ZNF248: variants seen among roughly 807,000 people sequenced by gnomAD.
ZNF248 encodes zinc finger protein 248.
ZNF248 carries 20 observed loss-of-function variants against 44.3 expected under a neutral mutation model. That is an observed-to-expected ratio of 0.45 (90% CI 0.32 to 0.66). The LOEUF (loss-of-function observed/expected upper bound fraction) is 0.66, where lower values mean the gene tolerates loss of function less well. ZNF248 is among the 30% of genes least tolerant of loss of function. The pLI is 0.04. For synonymous variants in ZNF248, 224 were observed against 229.0 expected, an observed-to-expected ratio of 0.98 and a Z score of 0.20; for missense variants, 654 against 677.0, an observed-to-expected ratio of 0.97 and a Z score of 0.38.
rs2055533249 is a variant in ZNF248, at chr10:37,831,209, A to C, written c.*406T>G. On this transcript the variant is annotated 3_prime_UTR_variant, in exon 6 of 6. Transcript: ENST00000395867. The stretch of plus-strand genomic sequence containing the variant: ...CCAATATACAAATCAAGCATACTCA[A>C]ATTTATATATTTGCATACTCACATA... 6.5e-7 allele frequency: 1 copy of C among 1,543,638 alleles called. No homozygotes were observed. The highest frequency in any genetic ancestry group is 1.4e-5 in the African/African-American group (1 of 72,766).
At chr10:37,840,416 CAT>C (rs1157023814) in intron 3 of ZNF248, among the ~76,000 whole-genome samples, 2 of 152,114 alleles carry the variant, frequency 1.3e-5, no homozygotes, top group Non-Finnish European at 2.9e-5. Context: ...AGCAAATACA[CAT>C]ATGAACAGAT....
intron 6 of ZNF248, among the ~76,000 whole-genome samples, chr10:37,806,211 G>A (rs1183398662): frequency 6.6e-6 from 1 of 152,028 alleles, no homozygotes; most frequent in Non-Finnish European, 1.5e-5. Context: ...CAATTATTTT[G>A]GATATATACT....
At chr10:37,763,835 A>C in the ZNF248 span, among the ~76,000 whole-genome samples, 36 of 152,328 alleles carry the variant, frequency 2.4e-4, no homozygotes, top group African/African-American at 6.7e-4. Context: ...TAAATTGTGA[A>C]GATTTCATGG....
chr10:37,833,248 T>C (rs1399675709), intron 5 of ZNF248, 132 bp from the exon 6 acceptor site: 1 of 1,307,810 alleles, frequency 7.6e-7, no homozygotes, highest in East Asian at 2.6e-5. Flanking sequence ...TGAACTGAGT[T>C]CAAGTGTACA....
At chr10:37,825,777 TAC>T (rs1237574974), downstream of ZNF248, among the ~76,000 whole-genome samples, 1 of 151,838 alleles carries the variant, frequency 6.6e-6, no homozygotes, top group Admixed American at 6.6e-5. Flanking sequence ...ATGAAATCCA[TAC>T]AGACCTCCTG....
Position 37,832,459 on chromosome 10 carries a change from T to C in ZNF248, c.896A>G (p.Tyr299Cys), listed in dbSNP as rs1179842625. The C allele has an allele frequency of 1.2e-6, 2 of 1,613,896 alleles. No individual in the cohort carries two copies. Among genetic ancestry groups the C allele is most frequent in the Non-Finnish European group, 8.5e-7 (1 of 1,179,942 alleles). The change falls in exon 6 of 6, where the codon TAT (tyrosine) becomes TGT (cysteine). Residue 299 changes from tyrosine (Y) to cysteine (C), a missense_variant. Transcript: ENST00000395867. ...RALTKDNPYE[Y>C]NEYGEIFCDN... ...ACAGAAGATTTCCCCATATTCATTA[T>C]ATTCATAAGGATTGTCCTTTGTAAG...
At chr10:37,760,059 G>T in the ZNF248 span, among the ~76,000 whole-genome samples, 1 of 152,238 alleles carries the variant, frequency 6.6e-6, no homozygotes, top group Non-Finnish European at 1.5e-5. Context: ...CTGGATTCTG[G>T]CCTGATCTTG....
chr10:37,770,208 T>C, the ZNF248 span, among the ~76,000 whole-genome samples: 1 of 152,128 alleles, frequency 6.6e-6, no homozygotes, highest in Non-Finnish European at 1.5e-5. Flanking sequence ...CCAAGGTAAT[T>C]TACAGATTCA....
chr10:37,801,623 C>T (rs2049847527), intron 6 of ZNF248, among the ~76,000 whole-genome samples: 1 of 151,950 alleles, frequency 6.6e-6, no homozygotes, highest in Non-Finnish European at 1.5e-5. Flanking sequence ...AATTTGTTTA[C>T]AAAAAACCCA....
At position 37,829,203 on chromosome 10, in the gene ZNF248, C is replaced by T; in HGVS notation, c.*2412G>A. The stretch of plus-strand genomic sequence containing the variant: ...TAATGATGTCTCTTACAAGGTGGCC[C>T]CTCCTTCATGACAGCAGTTCTTACT... On this transcript the variant is annotated 3_prime_UTR_variant, in exon 6 of 6. Transcript: ENST00000395867. The T allele has an allele frequency of 2.0e-6, 2 of 985,396 alleles. No individual in the cohort carries two copies. Among genetic ancestry groups the T allele is most frequent in the Non-Finnish European group, 2.4e-6 (2 of 829,946 alleles). 61.0% of individuals were successfully genotyped at this position (985,396 alleles called of 1,614,324 possible).
chr10:37,764,944 T>A, the ZNF248 span, among the ~76,000 whole-genome samples: 5 of 151,908 alleles, frequency 3.3e-5, no homozygotes, highest in South Asian at 2.1e-4. Context: ...TTAAAACACC[T>A]AAGACACTTT....
At chr10:37,836,905 A>G (rs1386277470) in intron 5 of ZNF248, among the ~76,000 whole-genome samples, 1 of 152,052 alleles carries the variant, frequency 6.6e-6, no homozygotes, top group Non-Finnish European at 1.5e-5. Flanking sequence ...TGCTCATCAT[A>G]TGTTGTTAAA....
chr10:37,797,079 G>C (rs2049248060), intron 6 of ZNF248, among the ~76,000 whole-genome samples: 1 of 152,070 alleles, frequency 6.6e-6, no homozygotes, highest in African/African-American at 2.4e-5. Flanking sequence ...TATTATCCCT[G>C]TTTTACAGAT....
At chr10:37,837,763 G>T in intron 4 of ZNF248, 51 bp from the exon 5 acceptor site, 1 of 1,535,574 alleles carries the variant, frequency 6.5e-7, no homozygotes, top group Non-Finnish European at 8.9e-7. Context: ...TGGTTTCAGG[G>T]GCTCTGAATA....
downstream of ZNF248, among the ~76,000 whole-genome samples, chr10:37,826,036 T>A (rs2054331547): frequency 6.6e-6 from 1 of 152,098 alleles, no homozygotes; most frequent in African/African-American, 2.4e-5. Flanking sequence ...ATTGATAGGA[T>A]GTAGATAAAA....
downstream of ZNF248, among the ~76,000 whole-genome samples, chr10:37,771,647 A>T (rs1471097867): frequency 7.9e-6 from 1 of 127,184 alleles, no homozygotes; most frequent in Non-Finnish European, 1.6e-5. Flanking sequence ...GGGGGGAGGG[A>T]TAGCATTAGG....
downstream of ZNF248, among the ~76,000 whole-genome samples, chr10:37,775,125 A>G (rs1355564513): frequency 6.6e-6 from 1 of 152,178 alleles, no homozygotes; most frequent in Non-Finnish European, 1.5e-5. Context: ...ACAGAGTATC[A>G]GAGATAAGTC....
chr10:37,812,130 G>A (rs1322169951), intron 6 of ZNF248, among the ~76,000 whole-genome samples: 3 of 151,954 alleles, frequency 2.0e-5, no homozygotes, highest in Admixed American at 6.6e-5. Context: ...CCAGCTACTC[G>A]GGAGGCTGGG....
intron 6 of ZNF248, among the ~76,000 whole-genome samples, chr10:37,817,015 G>C (rs868723645): frequency 1.3e-5 from 2 of 152,108 alleles, no homozygotes; most frequent in South Asian, 4.1e-4. Context: ...TGGGTGGAAG[G>C]GAGTCCGGGA....
Sources: gnomAD v4.1 joint callset for allele counts (sites outside exome capture counted in the v4.1 genomes callset) on GRCh38, gnomAD v4.1.1 for gene constraint, MANE v1.5 for transcripts, NCBI Gene and HGNC (gene_info 2026-07-23, HGNC 2026-07-21) for gene names.